Variants in NIPBL observed in about 807,000 individuals in gnomAD.
NIPBL encodes the protein nipped-B-like protein.
Under a neutral mutation model 321.8 loss-of-function variants are expected in NIPBL, and 19 were observed. That is an observed-to-expected ratio of 0.06 (90% confidence interval 0.04 to 0.09). The LOEUF (loss-of-function observed/expected upper bound fraction) is 0.09. Ranked by LOEUF, NIPBL falls within the 10% of genes least tolerant of loss-of-function variation. The pLI, the probability that NIPBL is intolerant of heterozygous loss-of-function variation, is 1.00. For missense variants in NIPBL, 2,210 were observed against 3,327.0 expected (o/e 0.66, Z 8.26); for synonymous variants, 1,106 against 1,114.1 (o/e 0.99, Z 0.14).
chr5:36,915,996 A>G (rs776290953), intron 1 of NIPBL, among the ~76,000 whole-genome samples: 13 of 152,194 alleles, frequency 8.5e-5, no homozygotes, highest in Admixed American at 1.3e-4. Flanking sequence ...TTAATTCATC[A>G]TTATCTTCAG....
intron 1 of NIPBL, among the ~76,000 whole-genome samples, chr5:36,952,872 A>C (rs1740553301): frequency 6.6e-6 from 1 of 152,230 alleles, no homozygotes; most frequent in Non-Finnish European, 1.5e-5. Flanking sequence ...AAAAGATGTC[A>C]CAAAGGAATA....
At chr5:37,013,221 T>C (rs1278773366) in intron 21 of NIPBL, among the ~76,000 whole-genome samples, 7 of 140,758 alleles carry the variant, frequency 5.0e-5, no homozygotes, top group Admixed American at 4.9e-4. Context: ...GCAGAGGGGC[T>C]CCTCACTTCC....
Position 36,938,957 on chromosome 5 carries a change from CT to C in NIPBL, c.-79-14660del, listed in dbSNP as rs60594655. On this transcript the variant is annotated intron_variant, in intron 1 of 46. Coordinates refer to ENST00000282516, the MANE Select transcript of NIPBL (RefSeq NM_133433.4). ...CCACACTCAACTTACTATTCTATCA[CT>C]GTAAACACTACTTCAGGTGGTATCT... Among the ~76,000 whole-genome samples, 334 of 152,240 alleles carry C rather than the reference CT, an allele frequency of 2.2e-3. 3 individuals carry two copies. The highest frequency in any genetic ancestry group is 7.7e-3 in the African/African-American group (321 of 41,552).
intron 14 of NIPBL, among the ~76,000 whole-genome samples, chr5:37,001,369 A>G (rs1379916674): frequency 6.6e-6 from 1 of 152,190 alleles, no homozygotes; most frequent in African/African-American, 2.4e-5. Flanking sequence ...ATCTAGTTGT[A>G]AAGTCAAATC....
rs1473546831 is a variant in NIPBL, at chr5:36,955,650, A to C, written c.230+13A>C. The C allele has an allele frequency of 6.2e-7, 1 of 1,607,182 alleles. No homozygotes were observed. Among genetic ancestry groups the C allele is most frequent in the Non-Finnish European group, 8.5e-7 (1 of 1,174,148 alleles). ...CAACAGATCACATGTAAGTATGATC[A>C]ATTTTATATCTACTATAAGTGAAAA... On this transcript the variant is annotated intron_variant, in intron 3 of 46. Coordinates refer to ENST00000282516, the MANE Select transcript of NIPBL (RefSeq NM_133433.4).
At chr5:36,913,403 T>TAA (rs1298975255) in intron 1 of NIPBL, among the ~76,000 whole-genome samples, 1 of 148,048 alleles carries the variant, frequency 6.8e-6, no homozygotes, top group Admixed American at 6.7e-5. Flanking sequence ...TTTTTTTTTT[T>TAA]AAAAAGACAG....
intron 42 of NIPBL, among the ~76,000 whole-genome samples, chr5:37,054,658 C>A: frequency 6.6e-6 from 1 of 152,144 alleles, no homozygotes; most frequent in Non-Finnish European, 1.5e-5. Context: ...AAACCCAGCT[C>A]TCACAATGCA....
chr5:36,885,768 T>C, intron 1 of NIPBL: 1 of 617,776 alleles, frequency 1.6e-6, no homozygotes, highest in East Asian at 3.2e-5. Context: ...TGCAAGGTCA[T>C]TGATGACACC....
At chr5:37,026,195 T>C (rs751138677) in intron 30 of NIPBL, 34 bp from the exon 31 acceptor site, 1 of 1,245,586 alleles carries the variant, frequency 8.0e-7, no homozygotes, top group Non-Finnish European at 1.2e-6. Flanking sequence ...GTATTTGTTA[T>C]AATTAGTTAA....
At position 37,046,091 on chromosome 5, in the gene NIPBL, G is replaced by A. The variant is rs773681414; in HGVS notation, c.6499-18G>A. The A allele has an allele frequency of 9.7e-6, 12 of 1,241,408 alleles. No individual in the cohort carries two copies. In the South Asian group the frequency reaches 1.1e-4, roughly 11 times the overall value. The allele number at this position is 1,241,408 out of a possible 1,614,324, so 76.9% of individuals were successfully genotyped here. A position where few individuals can be genotyped will look rare whatever the true frequency, so the allele number is the denominator to read the frequency against. On this transcript the variant is annotated intron_variant, in intron 37 of 46. Coordinates refer to ENST00000282516, the MANE Select transcript of NIPBL (RefSeq NM_133433.4). ...AGTTACTGTTCATGAACACTTTAAT[G>A]TGTTTTCCTCCCCTTAGGTTAACAT... is the stretch of plus-strand genomic sequence containing the variant.
At chr5:37,043,529 A>G (rs1315224950) in intron 34 of NIPBL, among the ~76,000 whole-genome samples, 3 of 149,914 alleles carry the variant, frequency 2.0e-5, no homozygotes, top group Admixed American at 6.7e-5. Flanking sequence ...TCTGTCTCAA[A>G]AAAAAAAAAA....
intron 9 of NIPBL, among the ~76,000 whole-genome samples, chr5:36,980,000 CA>C (rs1016327300): frequency 4.0e-5 from 6 of 151,452 alleles, no homozygotes; most frequent in African/African-American, 1.5e-4. Context: ...TTGATAGTAA[CA>C]AAAACAGAGG....
At position 36,971,809 on chromosome 5, in the gene NIPBL, A is replaced by G. The variant is rs139134302; in HGVS notation, c.772-136A>G. The G allele has an allele frequency of 1.6e-4, 237 of 1,468,298 alleles. 1 individual carries two copies. The African/African-American group carries it at 3.1e-3, about 19-fold the overall frequency. The allele number at this position is 1,468,298 out of a possible 1,614,324, so 91.0% of individuals were successfully genotyped here. A position where few individuals can be genotyped will look rare whatever the true frequency, so the allele number is the denominator to read the frequency against. On this transcript the variant is annotated intron_variant, in intron 7 of 46. Coordinates refer to ENST00000282516, the MANE Select transcript of NIPBL (RefSeq NM_133433.4). ...TAAGATATACCAAGAAGAAAACAGG[A>G]AAGTGCAGAAGAATTATGCTTTTGA...
intron 1 of NIPBL, among the ~76,000 whole-genome samples, chr5:36,896,194 C>A (rs1372843025): frequency 6.6e-6 from 1 of 152,184 alleles, no homozygotes; most frequent in Non-Finnish European, 1.5e-5. Context: ...ACTATTCTTT[C>A]CCATTGAATG....
chr5:37,005,868 TCA>T (rs1235067587), intron 16 of NIPBL, among the ~76,000 whole-genome samples: 1 of 152,174 alleles, frequency 6.6e-6, no homozygotes, highest in African/African-American at 2.4e-5. Context: ...CTTTTTAATC[TCA>T]GTTTCAGAAA....
At position 36,952,053 on chromosome 5, in the gene NIPBL, T is replaced by TGTGTGTGTGTGTGTGTGCGC. The variant is rs778597604; in HGVS notation, c.-79-1564_-79-1563insTGTGTGTGTGTGTGTGCGCG. 1.7e-3 allele frequency among the ~76,000 whole-genome samples: 196 copies of TGTGTGTGTGTGTGTGTGCGC among 112,168 alleles called. 2 individuals carry two copies. The highest frequency in any genetic ancestry group is 2.0e-3 in the African/African-American group (64 of 32,374). The allele number at this position is 112,168 out of a possible 152,430, so 73.6% of individuals were successfully genotyped here. On this transcript the variant is annotated intron_variant, in intron 1 of 46. Transcript: ENST00000282516. ...GTGTGTGTGTGTGTGTGTGTGTGTG[T>TGTGTGTGTGTGTGTGTGCGC]GCGCGCGCGCGCGCGCGCGCATGTG...
rs1749073983 is a variant in NIPBL at position 37,017,003 on chromosome 5, CTA to C, written c.4777-14_4777-13del. On this transcript the variant is annotated splice_polypyrimidine_tract_variant and intron_variant, in intron 23 of 46. Transcript: ENST00000282516. ...TGTTATAAATCTATTCAATCAAAAA[CTA>C]TTTTGATATTTAGGTTCATCAGTTC... 3.2e-6 allele frequency: 5 copies of C among 1,542,758 alleles called. No homozygotes were observed. The highest frequency in any genetic ancestry group is 4.4e-6 in the Non-Finnish European group (5 of 1,127,118).
intron 20 of NIPBL, among the ~76,000 whole-genome samples, 187 bp downstream of exon 20, chr5:37,008,910 C>T (rs779667570): frequency 6.6e-6 from 1 of 152,162 alleles, no homozygotes; most frequent in African/African-American, 2.4e-5. Flanking sequence ...GAAAACTTCA[C>T]TGATTCTCAA....
At chr5:36,944,229 A>T (rs538696167) in intron 1 of NIPBL, among the ~76,000 whole-genome samples, 5 of 151,900 alleles carry the variant, frequency 3.3e-5, no homozygotes, top group African/African-American at 1.2e-4. Flanking sequence ...ATGATGCAGG[A>T]GAGAGGAGAA....
Sources: gnomAD v4.1 joint callset for allele counts (sites outside exome capture counted in the v4.1 genomes callset) on GRCh38, gnomAD v4.1.1 for gene constraint, MANE v1.5 for transcripts, NCBI Gene and HGNC (gene_info 2026-07-23, HGNC 2026-07-21) for gene names.